Variants in LRMDA observed in about 807,000 individuals in gnomAD.
LRMDA encodes leucine rich melanocyte differentiation associated.
Under a neutral mutation model 29.8 loss-of-function variants are expected in LRMDA, and 18 were observed. The observed-to-expected ratio is 0.60, with a 90% CI of 0.42 to 0.90. The LOEUF (loss-of-function observed/expected upper bound fraction) is 0.90, where lower values mean the gene tolerates loss of function less well. Ranked by LOEUF, LRMDA falls within the 40% of genes least tolerant of loss-of-function variation. The probability of loss-of-function intolerance (pLI) is 0.00; values close to 1 mark genes in which losing one functional copy is unlikely to be tolerated. For missense variants in LRMDA, 273 were observed against 273.9 expected, an observed-to-expected ratio of 1.00 and a Z score of 0.02; for synonymous variants, 125 against 109.4, an observed-to-expected ratio of 1.14 and a Z score of -0.89.
At chr10:75,693,666 A>T (rs1324752673) in intron 2 of LRMDA, among the ~76,000 whole-genome samples, 1 of 152,202 alleles carries the variant, frequency 6.6e-6, no homozygotes, top group Non-Finnish European at 1.5e-5. Flanking sequence ...GTATCTGGGT[A>T]ACAAAAATTG....
intron 2 of LRMDA, among the ~76,000 whole-genome samples, chr10:75,881,485 T>TC (rs956428807): frequency 6.6e-5 from 10 of 151,438 alleles, no homozygotes; most frequent in South Asian, 4.2e-4. Flanking sequence ...TGCAAATCTC[T>TC]CCCCCCCACT....
chr10:75,499,060 G>A (rs571734008), intron 2 of LRMDA, among the ~76,000 whole-genome samples: 41 of 152,164 alleles, frequency 2.7e-4, no homozygotes, highest in Admixed American at 7.8e-4. Flanking sequence ...AGGGAAGGGC[G>A]GTGGTGGAGA....
intron 2 of LRMDA, among the ~76,000 whole-genome samples, chr10:76,005,589 G>A (rs549695493): frequency 1.3e-5 from 2 of 151,970 alleles, no homozygotes; most frequent in South Asian, 4.2e-4. Flanking sequence ...CTCCAGCCTG[G>A]GTAACAGAGT....
chr10:76,097,889 A>G (rs1025116909), intron 5 of LRMDA, among the ~76,000 whole-genome samples: 27 of 152,290 alleles, frequency 1.8e-4, no homozygotes, highest in Middle Eastern at 3.4e-3. Flanking sequence ...ACTTTGTGAT[A>G]TTTCAATAAA....
intron 2 of LRMDA, among the ~76,000 whole-genome samples, chr10:75,508,185 A>G (rs1324837304): frequency 6.6e-6 from 1 of 152,142 alleles, no homozygotes; most frequent in African/African-American, 2.4e-5. Flanking sequence ...TAGCATTCCT[A>G]CCCCACTTCA....
intron 2 of LRMDA, among the ~76,000 whole-genome samples, chr10:75,802,335 G>GCACA (rs10571839): frequency 0.012 from 1,788 of 147,114 alleles, 36 homozygotes; most frequent in African/African-American, 0.035. Flanking sequence ...ACACACACGC[G>GCACA]CACACACACA....
chr10:75,471,570 A>G (rs1844727192), intron 2 of LRMDA, among the ~76,000 whole-genome samples: 1 of 152,190 alleles, frequency 6.6e-6, no homozygotes, highest in South Asian at 2.1e-4. Context: ...CCCTCTGCCA[A>G]ACCAATCCCT....
intron 2 of LRMDA, among the ~76,000 whole-genome samples, chr10:75,904,663 G>A (rs984769282): frequency 1.3e-5 from 2 of 152,178 alleles, no homozygotes; most frequent in Non-Finnish European, 2.9e-5. Context: ...AACGCCACCA[G>A]CACTTATCAT....
intron 5 of LRMDA, among the ~76,000 whole-genome samples, chr10:76,272,545 G>A (rs1046974999): frequency 3.3e-5 from 5 of 152,170 alleles, no homozygotes; most frequent in African/African-American, 1.2e-4. Context: ...ATTAGCATGA[G>A]GGCTTTGAGA....
chr10:76,030,169 C>T lies in LRMDA; in HGVS notation c.132-5839C>T, dbSNP rs117956612. ...CACATACCCTAGCCAGAACCTTTTT[C>T]ATGTTCTTCTATTTCTTAAAGACAT... is the stretch of plus-strand genomic sequence containing the variant. On this transcript the variant is annotated intron_variant, in intron 2 of 6. Transcript: ENST00000611255. 8.7e-3 allele frequency among the ~76,000 whole-genome samples: 1,328 copies of T among 152,246 alleles called. 15 individuals carry two copies. Among genetic ancestry groups the T allele is most frequent in the Non-Finnish European group, 0.015 (1,041 of 68,018 alleles).
intron 2 of LRMDA, among the ~76,000 whole-genome samples, chr10:75,862,334 T>C (rs1300760812): frequency 6.6e-6 from 1 of 152,132 alleles, no homozygotes; most frequent in African/African-American, 2.4e-5. Context: ...CTAAATTTAG[T>C]TCAGACTCAA....
At chr10:75,935,345 T>C (rs752912137) in intron 2 of LRMDA, among the ~76,000 whole-genome samples, 6 of 152,164 alleles carry the variant, frequency 3.9e-5, no homozygotes, top group African/African-American at 1.2e-4. Flanking sequence ...CAGGTACTGA[T>C]TGGAAGCATG....
At chr10:75,874,536 G>A (rs1358320436) in intron 2 of LRMDA, among the ~76,000 whole-genome samples, 2 of 152,134 alleles carry the variant, frequency 1.3e-5, no homozygotes, top group Non-Finnish European at 1.5e-5. Context: ...GGTCCAACAT[G>A]GAGTAGTGAC....
At chr10:76,055,435 C>T in intron 4 of LRMDA, among the ~76,000 whole-genome samples, 1 of 152,252 alleles carries the variant, frequency 6.6e-6, no homozygotes, top group Non-Finnish European at 1.5e-5. Context: ...ATGCAGGCCA[C>T]TTGGTGATAA....
intron 6 of LRMDA, among the ~76,000 whole-genome samples, chr10:76,466,871 C>T (rs955194778): frequency 6.6e-6 from 1 of 152,182 alleles, no homozygotes; most frequent in African/African-American, 2.4e-5. Flanking sequence ...TGCTCTGCAG[C>T]CTTGCTTTTA....
chr10:75,686,031 C>T (rs905897069), intron 2 of LRMDA, among the ~76,000 whole-genome samples: 1 of 152,156 alleles, frequency 6.6e-6, no homozygotes, highest in Non-Finnish European at 1.5e-5. Flanking sequence ...GGAATTTGTT[C>T]AAGGTCACAT....
intron 2 of LRMDA, among the ~76,000 whole-genome samples, chr10:75,644,172 C>A (rs867836915): frequency 1.2e-4 from 18 of 152,132 alleles, no homozygotes; most frequent in Middle Eastern, 3.2e-3. Flanking sequence ...TGGATGGTGA[C>A]CCTTCTGGAA....
At chr10:76,227,982 G>A (rs1006169254) in intron 5 of LRMDA, among the ~76,000 whole-genome samples, 3 of 151,892 alleles carry the variant, frequency 2.0e-5, no homozygotes, top group African/African-American at 7.3e-5. Context: ...CAACCAGTGG[G>A]GACTGTGGAG....
chr10:76,083,632 C>T (rs1307141196), intron 5 of LRMDA, among the ~76,000 whole-genome samples: 2 of 152,050 alleles, frequency 1.3e-5, no homozygotes, highest in African/African-American at 4.8e-5. Context: ...AGTTCGAGAC[C>T]AGCCTGGCCA....
Sources: gnomAD v4.1 joint callset for allele counts (sites outside exome capture counted in the v4.1 genomes callset) on GRCh38, gnomAD v4.1.1 for gene constraint, MANE v1.5 for transcripts, NCBI Gene and HGNC (gene_info 2026-07-23, HGNC 2026-07-21) for gene names.